CEP192: variants seen among roughly 807,000 people sequenced by gnomAD.
CEP192 encodes centrosomal protein of 192 kDa.
CEP192 carries 151 observed loss-of-function variants against 271.8 expected under a neutral mutation model. The ratio of observed to expected loss-of-function variants is 0.56; its 90% CI spans 0.49 to 0.64. The LOEUF (loss-of-function observed/expected upper bound fraction) is 0.64. Among genes scored for constraint, CEP192 ranks in the 30% least tolerant of loss-of-function variants. CEP192 has a pLI of 0.00. For synonymous variants in CEP192, 995 were observed against 1,076.5 expected (o/e 0.92, Z 1.48); for missense variants, 2,910 against 3,020.5 (o/e 0.96, Z 0.86).
intron 3 of CEP192, among the ~76,000 whole-genome samples, chr18:13,004,185 G>A (rs2033835506): frequency 6.6e-6 from 1 of 152,190 alleles, no homozygotes. Context: ...GTTTCAGAGA[G>A]AACAGGAGTT....
intron 11 of CEP192, among the ~76,000 whole-genome samples, chr18:13,034,929 AC>A (rs1418509918): frequency 1.3e-5 from 2 of 151,984 alleles, no homozygotes; most frequent in East Asian, 3.9e-4. Context: ...GCCGCTTATG[AC>A]CTGAGAGTTC....
chr18:13,049,727 A>G (rs1394324416), intron 16 of CEP192, 38 bp from the exon 17 acceptor site: 11 of 1,604,118 alleles, frequency 6.9e-6, no homozygotes, highest in Non-Finnish European at 9.4e-6. Flanking sequence ...TACAAAGTTT[A>G]TTTTCTCTTC....
intron 39 of CEP192, 90 bp downstream of exon 39, chr18:13,103,678 T>C: frequency 2.0e-6 from 2 of 1,021,236 alleles, no homozygotes. Flanking sequence ...TAGGTTGATA[T>C]TACTGGTTAT....
chr18:13,034,643 T>TAA (rs1248570440), intron 11 of CEP192, among the ~76,000 whole-genome samples: 9 of 137,814 alleles, frequency 6.5e-5, no homozygotes, highest in East Asian at 4.1e-4. Context: ...CTGTCTCTAC[T>TAA]AAAAAAAAAA....
chr18:13,013,126 A>G (rs1275671354), intron 5 of CEP192, 101 bp downstream of exon 5: 6 of 578,524 alleles, frequency 1.0e-5, no homozygotes, highest in Admixed American at 3.6e-5. Context: ...GATGTCATCT[A>G]CTTTTTTCTA....
At chr18:13,117,454 G>A (rs772384461) in intron 43 of CEP192, 131 bp from the exon 44 acceptor site, 3 of 612,020 alleles carry the variant, frequency 4.9e-6, no homozygotes, top group Non-Finnish European at 8.7e-6. Flanking sequence ...AGCATTTATT[G>A]TACTACCTAA....
At chr18:13,108,803 A>C (rs2040074031) in intron 40 of CEP192, among the ~76,000 whole-genome samples, 1 of 152,214 alleles carries the variant, frequency 6.6e-6, no homozygotes, top group South Asian at 2.1e-4. Flanking sequence ...TGAACCCAGG[A>C]GGCAGAAGTT....
chr18:13,023,545 T>C, intron 9 of CEP192, among the ~76,000 whole-genome samples: 1 of 152,080 alleles, frequency 6.6e-6, no homozygotes, highest in East Asian at 1.9e-4. Flanking sequence ...GTAAATTGAT[T>C]TTTGATTGTT....
intron 30 of CEP192, among the ~76,000 whole-genome samples, chr18:13,084,089 TGAG>T (rs759940898): frequency 6.4e-4 from 98 of 152,120 alleles, no homozygotes; most frequent in Non-Finnish European, 1.1e-3. Context: ...GGGACCCACT[TGAG>T]GAGGCAGTCT....
chr18:13,049,369 A>C lies in CEP192; in HGVS notation c.2578A>C (p.Thr860Pro). 1 of 1,614,156 alleles carries C rather than the reference A, an allele frequency of 6.2e-7. No individual in the cohort carries two copies. The highest frequency in any genetic ancestry group is 8.5e-7 in the Non-Finnish European group (1 of 1,180,014). The change falls in exon 16 of 45, where the codon ACC (threonine) becomes CCC (proline). Residue 860 changes from threonine to proline, a missense_variant. By Grantham distance (38) the Thr-to-Pro change is conservative. Coordinates refer to ENST00000506447, the MANE Select transcript of CEP192 (RefSeq NM_032142.4). ...GAGTGAGAATCAAGAGTCATTTAGA[A>C]CCATAAACTCCTCAAATTCAGTTAC... ...GESENQESFRTINSSNSVTNR... is the reference protein window; with the variant it reads ...GESENQESFRPINSSNSVTNR...
chr18:13,118,952 C>G (rs1408555216), intron 44 of CEP192, among the ~76,000 whole-genome samples: 2 of 152,106 alleles, frequency 1.3e-5, no homozygotes, highest in Admixed American at 1.3e-4. Context: ...AGAGAAAGGC[C>G]CAAGTTTAAA....
At position 13,114,196 on chromosome 18, in the gene CEP192, C is replaced by G; in HGVS notation, c.7234C>G (p.His2412Asp). ...CACGGATTCCCTCATTAAAATAGAT[C>G]ATTTAGTTAAGCCCCGAAGACAAGC... ...LSTDSLIKID[H>D]LVKPRRQAVS... The change falls in exon 42 of 45, where the codon CAT becomes GAT. Residue 2412 changes from histidine (H) to aspartate (D), a missense_variant. Transcript: ENST00000506447. 1 of 1,613,962 alleles carries G rather than the reference C, an allele frequency of 6.2e-7. No individual in the cohort carries two copies. The highest frequency in any genetic ancestry group is 1.7e-5 in the Admixed American group (1 of 59,990).
At chr18:13,025,632 A>G (rs773812426) in intron 9 of CEP192, among the ~76,000 whole-genome samples, 41 of 152,358 alleles carry the variant, frequency 2.7e-4, no homozygotes, top group South Asian at 4.1e-4. Flanking sequence ...TTTGCAGTAT[A>G]TATTTAAAAT....
rs149329961 is a variant in CEP192, at chr18:13,114,701, A to G, written c.7289+450A>G. On this transcript the variant is annotated intron_variant, in intron 42 of 44. Transcript: ENST00000506447. Reference sequence around the variant, plus strand: ...ATTAAGGTGCTATGAATATTACTGTATGTGCATTTCTAAAGATGACATACA... The same window carrying G: ...ATTAAGGTGCTATGAATATTACTGTGTGTGCATTTCTAAAGATGACATACA... 9.8e-5 allele frequency among the ~76,000 whole-genome samples: 15 copies of G among 152,324 alleles called. No homozygotes were observed. The East Asian group carries it at 2.9e-3, about 29-fold the overall frequency.
chr18:12,996,442 T>G (rs910889099), intron 1 of CEP192, among the ~76,000 whole-genome samples: 1 of 152,154 alleles, frequency 6.6e-6, no homozygotes, highest in Non-Finnish European at 1.5e-5. Context: ...GATTCAAATG[T>G]AGGTGCTTGT....
rs750184220 is a variant in CEP192, at chr18:13,100,298, A to G, written c.6664-7A>G. 3.1e-6 allele frequency: 5 copies of G among 1,609,826 alleles called. No individual in the cohort carries two copies. The highest frequency in any genetic ancestry group is 4.3e-6 in the Non-Finnish European group (5 of 1,176,200). The stretch of plus-strand genomic sequence containing the variant: ...TGTAGCTTATCCCTTTATTTGGCTC[A>G]TTTCAGAAAATTGTGAAAGTTCAAA... On this transcript the variant is annotated splice_region_variant and splice_polypyrimidine_tract_variant and intron_variant, in intron 37 of 44. Transcript: ENST00000506447.
chr18:13,055,344 G>A (rs1423450083), intron 18 of CEP192, among the ~76,000 whole-genome samples: 1 of 151,958 alleles, frequency 6.6e-6, no homozygotes, highest in Non-Finnish European at 1.5e-5. Flanking sequence ...TGGACAGATG[G>A]TGGGGTGGGG....
At chr18:13,100,257 A>C in intron 37 of CEP192, 48 bp from the exon 38 acceptor site, 1 of 1,314,022 alleles carries the variant, frequency 7.6e-7, no homozygotes, top group Non-Finnish European at 1.1e-6. Context: ...GTTTCGTTTA[A>C]AGTGATAGAT....
chr18:13,091,406 T>G (rs1293367316), intron 33 of CEP192, among the ~76,000 whole-genome samples: 1 of 152,188 alleles, frequency 6.6e-6, no homozygotes, highest in African/African-American at 2.4e-5. Context: ...ATTATAAGTT[T>G]ATTGCCCAGA....
Sources: gnomAD v4.1 joint callset for allele counts (sites outside exome capture counted in the v4.1 genomes callset) on GRCh38, gnomAD v4.1.1 for gene constraint, MANE v1.5 for transcripts, NCBI Gene and HGNC (gene_info 2026-07-23, HGNC 2026-07-21) for gene names.